RNF213: variants seen among roughly 807,000 people sequenced by gnomAD.
RNF213 encodes the protein E3 ubiquitin-protein ligase RNF213.
RNF213 carries 341 observed loss-of-function variants against 514.4 expected under a neutral mutation model. The ratio of observed to expected loss-of-function variants is 0.66; its 90% CI spans 0.61 to 0.73. RNF213 has a LOEUF of 0.73. Ranked by LOEUF, RNF213 falls within the 30% of genes least tolerant of loss-of-function variation. The pLI is 0.00. For synonymous variants in RNF213, 2,655 were observed against 2,658.2 expected, an observed-to-expected ratio of 1.00 and a Z score of 0.04; for missense variants, 5,767 against 6,615.6, an observed-to-expected ratio of 0.87 and a Z score of 4.45.
rs150726340 is a variant in RNF213 at position 80,266,717 on chromosome 17, G to A, written c.97+2939G>A. ...GCGTTTCACCATGTTGGCCAGGTTGGTATCAAACTCCTGACCTCAAGTGAT... is the reference window on the plus strand; with the variant it reads ...GCGTTTCACCATGTTGGCCAGGTTGATATCAAACTCCTGACCTCAAGTGAT... On this transcript the variant is annotated intron_variant, in intron 2 of 67. Coordinates refer to ENST00000582970, the MANE Select transcript of RNF213 (RefSeq NM_001256071.3). Among the ~76,000 whole-genome samples, 15 of 151,930 alleles carry A rather than the reference G, an allele frequency of 9.9e-5. No individual in the cohort carries two copies. In the East Asian group the frequency reaches 3.0e-3, roughly 30 times the overall value.
At chr17:80,361,477 G>A (rs988040565) in intron 38 of RNF213, among the ~76,000 whole-genome samples, 13 of 152,202 alleles carry the variant, frequency 8.5e-5, no homozygotes, top group African/African-American at 2.2e-4. Flanking sequence ...CAGAGATCAC[G>A]CTACCCACCG....
rs150540163 is a variant in RNF213 at position 80,298,399 on chromosome 17, C to G, written c.2091C>G (p.Val697=). The change falls in exon 11 of 68, where the codon GTC becomes GTG. Residue 697 remains valine (V), a synonymous_variant. Coordinates refer to ENST00000582970, the MANE Select transcript of RNF213 (RefSeq NM_001256071.3). ...ACACCTGGCTGGGCGCCCTGCCTGT[C>G]CTGCACTGCTGTATGGAGCTGGCCC... The part of the protein sequence containing the change: ...RTYTWLGALP[V]LHCCMELAPR... 2 of 1,614,200 alleles carry G rather than the reference C, an allele frequency of 1.2e-6. No homozygotes were observed. Among genetic ancestry groups the G allele is most frequent in the East Asian group, 4.5e-5 (2 of 44,886 alleles).
intron 3 of RNF213, among the ~76,000 whole-genome samples, chr17:80,275,531 C>A (rs984665363): frequency 6.6e-6 from 1 of 152,042 alleles, no homozygotes; most frequent in African/African-American, 2.4e-5. Context: ...CACACAAATG[C>A]TCGAGCAGGA....
At position 80,263,593 on chromosome 17, in the gene RNF213, G is replaced by A. The variant is rs2043500864; in HGVS notation, c.-89G>A. ...TCGCAGAAAATGAAACTGAAGCCGT[G>A]GTCACGTGACAGGACATGTAGTATA... is the stretch of plus-strand genomic sequence containing the variant. On this transcript the variant is annotated 5_prime_UTR_variant, in exon 2 of 68. An upstream open reading frame in the 5' UTR gains an earlier in-frame stop. Transcript: ENST00000582970. This position sits in a 1 kb window ranked among gnomAD's most constrained non-coding sequence, Gnocchi z 4.9. 1 of 1,041,492 alleles carries A rather than the reference G, an allele frequency of 9.6e-7. No homozygotes were observed. Among genetic ancestry groups the A allele is most frequent in the Non-Finnish European group, 1.5e-6 (1 of 658,380 alleles). 64.5% of individuals were successfully genotyped at this position (1,041,492 alleles called of 1,614,324 possible). A position where few individuals can be genotyped will look rare whatever the true frequency, so the allele number is the denominator to read the frequency against.
chr17:80,365,725 G>A (rs75394830), intron 42 of RNF213, among the ~76,000 whole-genome samples: 2,815 of 152,222 alleles, frequency 0.018, 104 homozygotes, highest in African/African-American at 0.065. Context: ...GGACACAGCC[G>A]GTGCCCCCCT....
chr17:80,279,840 G>A (rs1280573732), intron 3 of RNF213, among the ~76,000 whole-genome samples: 3 of 152,168 alleles, frequency 2.0e-5, no homozygotes, highest in Admixed American at 1.3e-4. Flanking sequence ...ATGAAATTAG[G>A]TAACACATGT....
chr17:80,371,234 A>G (rs192145542), intron 46 of RNF213, among the ~76,000 whole-genome samples: 65 of 152,384 alleles, frequency 4.3e-4, no homozygotes, highest in African/African-American at 1.5e-3. Flanking sequence ...ACTAACCTCT[A>G]GACATGACCA....
intron 36 of RNF213, chr17:80,354,789 CGT>C: frequency 6.5e-6 from 4 of 613,284 alleles, no homozygotes; most frequent in Non-Finnish European, 1.1e-5. Flanking sequence ...CCTCTAATTT[CGT>C]GTTTACAGTT....
chr17:80,336,510 A>G (rs2144027877), intron 23 of RNF213, 132 bp downstream of exon 23: 5 of 819,028 alleles, frequency 6.1e-6, no homozygotes, highest in Non-Finnish European at 1.0e-5. Flanking sequence ...AATGATATTT[A>G]AAAAGCTTTT....
In RNF213 at chr17:80,313,087, A is replaced by C. The variant is rs757498797; in HGVS notation, c.2731A>C (p.Lys911Gln). Residue 911 changes from lysine (K) to glutamine (Q), a missense_variant, in exon 15 of 68, where the codon AAA becomes CAA. By Grantham distance (53) the Lys-to-Gln change is moderately conservative (BLOSUM62 1). Around this residue, in one of 13 missense-constraint regions of RNF213, gnomAD observed 592 missense variants for 673.9 expected, o/e 0.88. Coordinates refer to ENST00000582970, the MANE Select transcript of RNF213 (RefSeq NM_001256071.3). Reference protein sequence around the residue: ...TVFQGTLAATKRWLREVFTKN... With the variant: ...TVFQGTLAATQRWLREVFTKN... The stretch of plus-strand genomic sequence containing the variant: ...CTTCCAAGGGACCCTTGCTGCTACG[A>C]AAAGGTGGCTCCGAGAAGTTTTTAC... 6.2e-7 allele frequency: 1 copy of C among 1,614,144 alleles called. No individual in the cohort carries two copies. Among genetic ancestry groups the C allele is most frequent in the South Asian group, 1.1e-5 (1 of 91,090 alleles).
intron 16 of RNF213, 95 bp from the exon 17 acceptor site, chr17:80,319,095 C>T: frequency 1.2e-6 from 2 of 1,610,188 alleles, no homozygotes; most frequent in Non-Finnish European, 1.7e-6. Flanking sequence ...AGTAAAACAG[C>T]AGGAAAGTAA....
At position 80,307,231 on chromosome 17, in the gene RNF213, C is replaced by G. The variant is rs775976173; in HGVS notation, c.2501+30C>G. The G allele has an allele frequency of 4.4e-6, 7 of 1,608,808 alleles. No individual in the cohort carries two copies. The Admixed American group carries it at 1.0e-4, about 23-fold the overall frequency. On this transcript the variant is annotated intron_variant, in intron 13 of 67. Coordinates refer to ENST00000582970, the MANE Select transcript of RNF213 (RefSeq NM_001256071.3). ...GTGGAAAGCACGATGCAGTCTCTCC[C>G]TCACATGCGGCCCCCGGGGGCTTCC...
chr17:80,387,783 C>T (rs1190371992), intron 63 of RNF213, among the ~76,000 whole-genome samples: 1 of 152,210 alleles, frequency 6.6e-6, no homozygotes, highest in African/African-American at 2.4e-5. Context: ...CCACTTAGCC[C>T]ATTTCCCTGA....
intron 2 of RNF213, among the ~76,000 whole-genome samples, chr17:80,265,829 G>A (rs1258384447): frequency 6.6e-6 from 1 of 152,186 alleles, no homozygotes; most frequent in African/African-American, 2.4e-5. Context: ...CAGCATGTTT[G>A]CAGGCCAAGG....
At chr17:80,324,694 G>T (rs555867098) in intron 17 of RNF213, among the ~76,000 whole-genome samples, 1 of 151,572 alleles carries the variant, frequency 6.6e-6, no homozygotes, top group South Asian at 2.1e-4. Flanking sequence ...TATATTAAGG[G>T]TTTATTCATT....
rs200866115 is a variant in RNF213, at chr17:80,307,863, T to G, written c.2501+662T>G. On this transcript the variant is annotated intron_variant, in intron 13 of 67. Transcript: ENST00000582970. Reference sequence around the variant, plus strand: ...CCATGCCTGGCCGTCTGTTTTTTTTTTTTTTTTTTTTTTAAAGGGAAATAA... The same window carrying G: ...CCATGCCTGGCCGTCTGTTTTTTTTGTTTTTTTTTTTTTAAAGGGAAATAA... 4.3e-3 allele frequency among the ~76,000 whole-genome samples: 641 copies of G among 150,700 alleles called. 11 individuals carry two copies. In the East Asian group the frequency reaches 0.046, roughly 11 times the overall value.
chr17:80,265,895 C>T (rs888919887), intron 2 of RNF213, among the ~76,000 whole-genome samples: 4 of 151,934 alleles, frequency 2.6e-5, no homozygotes, highest in Non-Finnish European at 5.9e-5. Context: ...TGTAGAAAGA[C>T]TCCATCTCTG....
At chr17:80,359,050 A>T (rs2078941729) in intron 37 of RNF213, among the ~76,000 whole-genome samples, 2 of 152,076 alleles carry the variant, frequency 1.3e-5, no homozygotes. Context: ...GAACAGCCCC[A>T]CAATCTGTGC....
chr17:80,374,691 T>C (rs1350942867), intron 50 of RNF213, 102 bp downstream of exon 50: 1 of 1,404,998 alleles, frequency 7.1e-7, no homozygotes, highest in Admixed American at 1.9e-5. Context: ...GGACCACTGA[T>C]GCAGCCCATC....
Sources: allele counts gnomAD v4.1 joint callset (sites outside exome capture counted in the v4.1 genomes callset), GRCh38; gene constraint gnomAD v4.1.1; regional missense constraint gnomAD v4.1.1; non-coding constraint Gnocchi (gnomAD v3.1); transcripts MANE v1.5; gene names NCBI Gene and HGNC (gene_info 2026-07-23, HGNC 2026-07-21).